The following LUZP2 variants were observed in gnomAD, a reference collection of about 807,000 sequenced individuals.
LUZP2 encodes leucine zipper protein 2.
LUZP2 carries 52 observed loss-of-function variants against 51.6 expected under a neutral mutation model. That is an observed-to-expected ratio of 1.01 (90% CI 0.81 to 1.27). The LOEUF (loss-of-function observed/expected upper bound fraction) is 1.27, where lower values mean the gene tolerates loss of function less well. LUZP2 is among the 50% of genes most tolerant of loss of function. The pLI, the probability that LUZP2 is intolerant of heterozygous loss-of-function variation, is 0.00. For synonymous variants in LUZP2, 154 were observed against 137.3 expected (o/e 1.12, Z -0.85); for missense variants, 436 against 395.4 (o/e 1.10, Z -0.87).
intron 1 of LUZP2, among the ~76,000 whole-genome samples, chr11:24,557,542 C>T (rs1851909378): frequency 6.6e-6 from 1 of 151,920 alleles, no homozygotes; most frequent in African/African-American, 2.4e-5. Context: ...AATGCAAATG[C>T]AAGGGAAAGA....
At chr11:24,890,201 A>G (rs1852801696) in intron 5 of LUZP2, among the ~76,000 whole-genome samples, 1 of 152,212 alleles carries the variant, frequency 6.6e-6, no homozygotes, top group Non-Finnish European at 1.5e-5. Flanking sequence ...AACCAAGCAT[A>G]TACTCAGGGA....
At chr11:25,004,364 G>A (rs1357679309) in intron 9 of LUZP2, among the ~76,000 whole-genome samples, 1 of 152,152 alleles carries the variant, frequency 6.6e-6, no homozygotes, top group African/African-American at 2.4e-5. Context: ...GAACCACCAA[G>A]GTTTGTTTGC....
At position 24,708,932 on chromosome 11, in the gene LUZP2, A is replaced by G. The variant is rs921265754; in HGVS notation, c.63-20237A>G. On this transcript the variant is annotated intron_variant, in intron 1 of 11. Coordinates refer to ENST00000336930, the MANE Select transcript of LUZP2 (RefSeq NM_001009909.4). ...TAGAGCTGGTCCACAGCCCAGCTCT[A>G]TCATTAATTACCAAAGCTGTTTTCA... 6.6e-5 allele frequency among the ~76,000 whole-genome samples: 10 copies of G among 152,324 alleles called. No individual in the cohort carries two copies. In the East Asian group the frequency reaches 1.9e-3, roughly 29 times the overall value.
intron 1 of LUZP2, among the ~76,000 whole-genome samples, chr11:24,603,064 A>G (rs913059332): frequency 6.6e-6 from 1 of 151,824 alleles, no homozygotes; most frequent in Non-Finnish European, 1.5e-5. Flanking sequence ...CTATTTTTGT[A>G]TAGCTTCTAT....
At chr11:24,857,290 C>CAT (rs34461857) in intron 5 of LUZP2, among the ~76,000 whole-genome samples, 25,345 of 117,328 alleles carry the variant, frequency 0.22, 2,347 homozygotes, top group South Asian at 0.24. Context: ...TATATATATA[C>CAT]ATATATATAT....
chr11:24,637,070 C>A (rs1011239567), intron 1 of LUZP2, among the ~76,000 whole-genome samples: 1 of 151,508 alleles, frequency 6.6e-6, no homozygotes, highest in Non-Finnish European at 1.5e-5. Flanking sequence ...AATATATAAT[C>A]TTTTGGTATA....
chr11:24,609,484 G>C (rs1854043721), intron 1 of LUZP2, among the ~76,000 whole-genome samples: 1 of 152,018 alleles, frequency 6.6e-6, no homozygotes, highest in African/African-American at 2.4e-5. Context: ...CCAGCAGTTT[G>C]GGAGGCTGAG....
At chr11:25,040,004 A>G (rs1857992225) in intron 9 of LUZP2, among the ~76,000 whole-genome samples, 1 of 152,170 alleles carries the variant, frequency 6.6e-6, no homozygotes, top group Non-Finnish European at 1.5e-5. Context: ...TGGGAGGATC[A>G]TGGGTGGACC....
intron 7 of LUZP2, among the ~76,000 whole-genome samples, chr11:24,920,535 C>A (rs1460042061): frequency 7.2e-5 from 11 of 151,922 alleles, no homozygotes; most frequent in Admixed American, 7.2e-4. Flanking sequence ...TATACAGAAT[C>A]AATTGTAATA....
chr11:24,710,103 AG>A (rs1208238962), intron 1 of LUZP2, among the ~76,000 whole-genome samples: 1 of 152,152 alleles, frequency 6.6e-6, no homozygotes, highest in African/African-American at 2.4e-5. Context: ...CATTTTAATA[AG>A]TGCTTGTCAG....
At chr11:24,692,748 G>C (rs1233677522) in intron 1 of LUZP2, among the ~76,000 whole-genome samples, 1 of 151,920 alleles carries the variant, frequency 6.6e-6, no homozygotes. Flanking sequence ...ACATAATTAA[G>C]TAGAGGTTGA....
chr11:24,649,128 A>T (rs1356463958), intron 1 of LUZP2, among the ~76,000 whole-genome samples: 2 of 151,978 alleles, frequency 1.3e-5, no homozygotes, highest in Non-Finnish European at 2.9e-5. Flanking sequence ...TGCCTTTTTT[A>T]AAAAGTAAAG....
intron 1 of LUZP2, among the ~76,000 whole-genome samples, chr11:24,548,369 CA>C (rs1286938925): frequency 6.6e-6 from 1 of 151,996 alleles, no homozygotes; most frequent in East Asian, 1.9e-4. Flanking sequence ...ACTATGCAGC[CA>C]GCAACAAAAA....
chr11:25,006,938 A>T (rs891011920), intron 9 of LUZP2, among the ~76,000 whole-genome samples: 1 of 152,098 alleles, frequency 6.6e-6, no homozygotes, highest in Non-Finnish European at 1.5e-5. Context: ...GCCAGCTTTT[A>T]TTCCCTTATT....
intron 5 of LUZP2, chr11:24,786,289 G>A: frequency 1.0e-6 from 1 of 972,862 alleles, no homozygotes; most frequent in African/African-American, 1.8e-5. Context: ...CAGGAACATA[G>A]AAAATAGTAT....
intron 1 of LUZP2, among the ~76,000 whole-genome samples, chr11:24,583,359 T>C (rs1315211131): frequency 1.3e-5 from 2 of 152,178 alleles, no homozygotes; most frequent in Admixed American, 6.5e-5. Context: ...ATGGGCTCTG[T>C]TCTTTTTACA....
intron 1 of LUZP2, among the ~76,000 whole-genome samples, chr11:24,521,930 G>A (rs973215345): frequency 6.6e-6 from 1 of 152,002 alleles, no homozygotes; most frequent in African/African-American, 2.4e-5. Flanking sequence ...ATTTGTAACC[G>A]TCACCAAGTG....
At chr11:24,733,992 G>T (rs1478941520) in intron 3 of LUZP2, among the ~76,000 whole-genome samples, 2 of 151,784 alleles carry the variant, frequency 1.3e-5, no homozygotes, top group African/African-American at 2.4e-5. Flanking sequence ...GCATATACTG[G>T]ATTTCAGTGA....
chr11:24,528,431 GTGT>G (rs1850888084), intron 1 of LUZP2, among the ~76,000 whole-genome samples: 3 of 151,264 alleles, frequency 2.0e-5, no homozygotes, highest in South Asian at 2.1e-4. Context: ...ATTTTAGAAA[GTGT>G]TGTTGTAAAT....
Sources: allele counts gnomAD v4.1 joint callset (sites outside exome capture counted in the v4.1 genomes callset), GRCh38; gene constraint gnomAD v4.1.1; transcripts MANE v1.5; gene names NCBI Gene and HGNC (gene_info 2026-07-23, HGNC 2026-07-21).